Variants in SLBP observed in about 807,000 individuals in gnomAD.
SLBP encodes stem-loop histone mRNA binding protein.
A neutral mutation model predicts 39.2 loss-of-function variants in SLBP; 29 were observed. The ratio of observed to expected loss-of-function variants is 0.74; its 90% CI spans 0.55 to 1.01. SLBP has a LOEUF of 1.01. Ranked by LOEUF, SLBP falls within the 50% of genes least tolerant of loss-of-function variation. SLBP has a pLI of 0.00. For missense variants in SLBP, 390 were observed against 350.2 expected (o/e 1.11, Z -0.91); for synonymous variants, 129 against 118.7 (o/e 1.09, Z -0.57).
chr4:1,712,287 A>G lies in SLBP; in HGVS notation c.-99T>C, dbSNP rs965012123. 1 of 727,130 alleles carries G rather than the reference A, an allele frequency of 1.4e-6. No individual in the cohort carries two copies. The allele number at this position is 727,130 out of a possible 1,614,324, so 45.0% of individuals were successfully genotyped here. ...GAGCAGGGCAGGGCCTGAGGCAGAA[A>G]CCCGCGTCCCCGCGCCGGCGCTCAC... On this transcript the variant is annotated 5_prime_UTR_variant, in exon 1 of 8. Coordinates refer to ENST00000489418, the MANE Select transcript of SLBP (RefSeq NM_006527.4).
chr4:1,709,367 A>G (rs770860528), intron 2 of SLBP, among the ~76,000 whole-genome samples: 6 of 152,246 alleles, frequency 3.9e-5, no homozygotes, highest in Non-Finnish European at 8.8e-5. Flanking sequence ...CCTAATTGCC[A>G]TCATGTTCCC....
At chr4:1,696,897 CAA>C (rs535700408) in intron 5 of SLBP, among the ~76,000 whole-genome samples, 7 of 100,590 alleles carry the variant, frequency 7.0e-5, no homozygotes, top group Admixed American at 1.1e-4. Flanking sequence ...ACTTCACCTC[CAA>C]AAAAAAAAAA....
At chr4:1,708,085 GAA>G (rs35817560) in intron 2 of SLBP, among the ~76,000 whole-genome samples, 6 of 111,406 alleles carry the variant, frequency 5.4e-5, no homozygotes, top group East Asian at 2.8e-4. Flanking sequence ...TCTCAAAAAC[GAA>G]AAAAAAAAAA....
At chr4:1,706,792 C>A (rs1716533905) in intron 2 of SLBP, among the ~76,000 whole-genome samples, 1 of 150,498 alleles carries the variant, frequency 6.6e-6, no homozygotes, top group Non-Finnish European at 1.5e-5. Context: ...TCGTGCACTG[C>A]ACTCCAGCCT....
intron 6 of SLBP, among the ~76,000 whole-genome samples, chr4:1,695,553 A>G (rs1716074330): frequency 6.6e-6 from 1 of 152,180 alleles, no homozygotes; most frequent in African/African-American, 2.4e-5. Context: ...TAATCCCAGC[A>G]CTTTGGGAGG....
At chr4:1,703,256 A>T (rs1416926196) in intron 3 of SLBP, among the ~76,000 whole-genome samples, 1 of 143,568 alleles carries the variant, frequency 7.0e-6, no homozygotes, top group Non-Finnish European at 1.5e-5. Flanking sequence ...AAAAAAAAGA[A>T]AGTTAGTTCT....
chr4:1,701,851 G>A (rs577760087), intron 3 of SLBP, among the ~76,000 whole-genome samples: 4 of 152,238 alleles, frequency 2.6e-5, no homozygotes, highest in African/African-American at 9.6e-5. Context: ...AAGTTGCAGT[G>A]AGCTGAGATT....
At chr4:1,711,268 T>G (rs1716758125) in intron 2 of SLBP, among the ~76,000 whole-genome samples, 1 of 151,310 alleles carries the variant, frequency 6.6e-6, no homozygotes, top group Middle Eastern at 3.4e-3. Context: ...CTGCTCCATC[T>G]CGGCCAAGTC....
chr4:1,705,414 A>G (rs979835548), intron 2 of SLBP, among the ~76,000 whole-genome samples: 1 of 152,252 alleles, frequency 6.6e-6, no homozygotes, highest in Non-Finnish European at 1.5e-5. Context: ...CCAAAAACTT[A>G]TCCAGCCCAC....
chr4:1,699,996 T>C lies in SLBP; in HGVS notation c.341+15A>G. The C allele has an allele frequency of 6.4e-7, 1 of 1,554,810 alleles. No individual in the cohort carries two copies. Among genetic ancestry groups the C allele is most frequent in the Non-Finnish European group, 8.7e-7 (1 of 1,146,508 alleles). On this transcript the variant is annotated intron_variant, in intron 4 of 7. Coordinates refer to ENST00000489418, the MANE Select transcript of SLBP (RefSeq NM_006527.4). ...GTCTATCAAATTAGAAAAGAAACATTTACACAGCCTTTACCTTCCTGATGA... is the reference window on the plus strand; with the variant it reads ...GTCTATCAAATTAGAAAAGAAACATCTACACAGCCTTTACCTTCCTGATGA...
intron 2 of SLBP, among the ~76,000 whole-genome samples, chr4:1,708,305 C>A (rs1351609034): frequency 3.3e-5 from 5 of 152,254 alleles, no homozygotes; most frequent in Admixed American, 2.0e-4. Context: ...CCTATTTTAG[C>A]TGTAAACCAA....
Position 1,703,719 on chromosome 4 carries a change from G to A in SLBP, c.177-19C>T. 1.4e-6 allele frequency: 2 copies of A among 1,480,592 alleles called. No individual in the cohort carries two copies. Among genetic ancestry groups the A allele is most frequent in the Non-Finnish European group, 1.9e-6 (2 of 1,058,164 alleles). 91.7% of individuals were successfully genotyped at this position (1,480,592 alleles called of 1,614,324 possible). On this transcript the variant is annotated intron_variant, in intron 2 of 7. Transcript: ENST00000489418. ...GGTAAAGCTGCAATAAAAGGAAAATGCTACTGAACCATGACACATACTTTG... is the reference window on the plus strand; with the variant it reads ...GGTAAAGCTGCAATAAAAGGAAAATACTACTGAACCATGACACATACTTTG...
rs1560253362 is a variant in SLBP, at chr4:1,703,635, T to C, written c.242A>G (p.Glu81Gly). 7 of 1,613,896 alleles carry C rather than the reference T, an allele frequency of 4.3e-6. No individual in the cohort carries two copies. The highest frequency in any genetic ancestry group is 4.2e-6 in the Non-Finnish European group (5 of 1,179,734). Residue 81 changes from glutamate to glycine, a missense_variant, in exon 3 of 8, where the codon GAA (glutamate) becomes GGA (glycine). Glu to Gly is a moderately conservative substitution (Grantham distance 98). Coordinates refer to ENST00000489418, the MANE Select transcript of SLBP (RefSeq NM_006527.4). Reference sequence around the variant, plus strand: ...GTTAACTCTGGTCCTCATTTCATCTTCTTCAACTGCACTTGCCCAGTCAGA... The same window carrying C: ...GTTAACTCTGGTCCTCATTTCATCTCCTTCAACTGCACTTGCCCAGTCAGA... ...RCSDWASAVE[E>G]DEMRTRVNKE... is the part of the protein sequence containing the mutation.
intron 4 of SLBP, 64 bp downstream of exon 4, chr4:1,699,946 AT>A (rs113961373): frequency 0.077 from 61,792 of 797,494 alleles, 182 homozygotes; most frequent in South Asian, 0.11. Context: ...GACAGTCACA[AT>A]TTTTTTTTTT....
rs887812688 is a variant in SLBP, at chr4:1,712,125, C to T, written c.59+5G>A. On this transcript the variant is annotated splice_donor_5th_base_variant and intron_variant, in intron 1 of 7. Transcript: ENST00000489418. ...TCCCTCGCCCGCCGCGCAGCCCGGC[C>T]TCACCTGGCGTCACCGTCGCAGCGG... is the stretch of plus-strand genomic sequence containing the variant. 4.9e-6 allele frequency: 6 copies of T among 1,228,598 alleles called. No homozygotes were observed. The highest frequency in any genetic ancestry group is 6.1e-6 in the Non-Finnish European group (6 of 986,484). 76.1% of individuals were successfully genotyped at this position (1,228,598 alleles called of 1,614,324 possible). A position where few individuals can be genotyped will look rare whatever the true frequency, so the allele number is the denominator to read the frequency against.
At chr4:1,698,717 C>T (rs1577179477) in intron 5 of SLBP, among the ~76,000 whole-genome samples, 1 of 152,034 alleles carries the variant, frequency 6.6e-6, no homozygotes, top group Admixed American at 6.6e-5. Flanking sequence ...ATCTCCTGAC[C>T]TCATGATCCG....
At chr4:1,705,084 C>T (rs945344177) in intron 2 of SLBP, among the ~76,000 whole-genome samples, 7 of 152,154 alleles carry the variant, frequency 4.6e-5, no homozygotes, top group African/African-American at 1.7e-4. Context: ...TGAGCCACCA[C>T]GTCCAGCTAA....
At chr4:1,712,101 C>A in intron 1 of SLBP, 29 bp downstream of exon 1, 1 of 1,227,372 alleles carries the variant, frequency 8.1e-7, no homozygotes, top group South Asian at 3.9e-5. Flanking sequence ...GGCACGCGCT[C>A]CCTCGCCCGC....
chr4:1,704,155 C>T (rs1716432164), intron 2 of SLBP, among the ~76,000 whole-genome samples: 1 of 152,188 alleles, frequency 6.6e-6, no homozygotes, highest in Admixed American at 6.5e-5. Context: ...TGGGTGTCCA[C>T]ACTTCAGTAG....
Sources: allele counts gnomAD v4.1 joint callset (sites outside exome capture counted in the v4.1 genomes callset), GRCh38; gene constraint gnomAD v4.1.1; transcripts MANE v1.5; gene names NCBI Gene and HGNC (gene_info 2026-07-23, HGNC 2026-07-21).